The following RASGRP3 variants were observed in gnomAD, a reference collection of about 807,000 sequenced individuals.
RASGRP3 encodes RAS guanyl releasing protein 3.
A neutral mutation model predicts 82.7 loss-of-function variants in RASGRP3; 54 were observed. The observed-to-expected ratio is 0.65, with a 90% CI of 0.52 to 0.82. The LOEUF is 0.82. Ranked by LOEUF, RASGRP3 falls within the 40% of genes least tolerant of loss-of-function variation. The pLI, the probability that RASGRP3 is intolerant of heterozygous loss-of-function variation, is 0.00. For synonymous variants in RASGRP3, 309 were observed against 300.5 expected (o/e 1.03, Z -0.29); for missense variants, 861 against 828.9 (o/e 1.04, Z -0.48).
At chr2:33,518,890 A>G (rs1043244186) in intron 4 of RASGRP3, among the ~76,000 whole-genome samples, 2 of 147,846 alleles carry the variant, frequency 1.4e-5, no homozygotes, top group African/African-American at 4.9e-5. Flanking sequence ...GTCATCTCCT[A>G]TGATAACAAT....
Position 33,515,099 on chromosome 2 carries a change from G to A in RASGRP3, c.-38G>A, listed in dbSNP as rs1425656114. On this transcript the variant is annotated 5_prime_UTR_variant, in exon 3 of 18. Transcript: ENST00000403687. ...TTATGGAGATGGTCTATCTGATGCT[G>A]AAAATGTCTCTAGTTTTTTGACAAC... 1 of 1,601,158 alleles carries A rather than the reference G, an allele frequency of 6.2e-7. No individual in the cohort carries two copies. Among genetic ancestry groups the A allele is most frequent in the African/African-American group, 1.3e-5 (1 of 74,648 alleles).
chr2:33,536,559 ATC>A (rs1673632185), intron 11 of RASGRP3, among the ~76,000 whole-genome samples: 1 of 151,762 alleles, frequency 6.6e-6, no homozygotes, highest in Non-Finnish European at 1.5e-5. Flanking sequence ...TATTTTCAGG[ATC>A]TTTTTTTTTT....
At chr2:33,549,874 G>A in intron 14 of RASGRP3, 123 bp downstream of exon 14, 2 of 1,195,294 alleles carry the variant, frequency 1.7e-6, no homozygotes, top group Non-Finnish European at 2.3e-6. Flanking sequence ...AAAATGTGAT[G>A]GCTCCCTGAA....
At chr2:33,514,945 A>G in intron 2 of RASGRP3, 65 bp from the exon 3 acceptor site, 2 of 583,636 alleles carry the variant, frequency 3.4e-6, no homozygotes, top group South Asian at 4.3e-5. Context: ...CAGGTAGGAA[A>G]GTGATGCTCT....
intron 7 of RASGRP3, 38 bp from the exon 8 acceptor site, chr2:33,523,841 C>G: frequency 6.5e-7 from 1 of 1,540,470 alleles, no homozygotes; most frequent in Non-Finnish European, 8.8e-7. Context: ...TACAAAGGCT[C>G]TATTATAATT....
intron 14 of RASGRP3, among the ~76,000 whole-genome samples, chr2:33,554,725 G>C (rs188232792): frequency 2.6e-4 from 39 of 151,922 alleles, no homozygotes; most frequent in African/African-American, 8.9e-4. Flanking sequence ...TGCTCTTCTC[G>C]GCCTCCAAAA....
At chr2:33,534,284 T>C (rs1190265394) in intron 10 of RASGRP3, 39 bp from the exon 11 acceptor site, 1 of 1,363,382 alleles carries the variant, frequency 7.3e-7, no homozygotes, top group Non-Finnish European at 1.0e-6. Flanking sequence ...AATAAATAAA[T>C]GTAATCCGAC....
chr2:33,559,600 A>G (rs749265707), intron 17 of RASGRP3: 1 of 518,468 alleles, frequency 1.9e-6, no homozygotes, highest in Non-Finnish European at 3.9e-6. Context: ...GGAATTTGTT[A>G]GAGTATGCTG....
intron 13 of RASGRP3, among the ~76,000 whole-genome samples, chr2:33,548,702 A>AT (rs1362892169): frequency 6.6e-6 from 1 of 151,834 alleles, no homozygotes; most frequent in East Asian, 1.9e-4. Context: ...GGATCCAATT[A>AT]TTATTATTAT....
intron 13 of RASGRP3, among the ~76,000 whole-genome samples, chr2:33,548,301 C>T (rs1675010430): frequency 1.5e-5 from 2 of 134,600 alleles, no homozygotes; most frequent in East Asian, 2.2e-4. Context: ...GCGGAGCTTG[C>T]AGTGAGCCGA....
chr2:33,462,862 A>G (rs777881972), intron 2 of RASGRP3, among the ~76,000 whole-genome samples: 11 of 152,258 alleles, frequency 7.2e-5, no homozygotes, highest in Non-Finnish European at 1.3e-4. Flanking sequence ...ATGCTTGAAT[A>G]GAAAGGAAAT....
At chr2:33,522,580 T>A (rs937162598) in intron 7 of RASGRP3, among the ~76,000 whole-genome samples, 2 of 152,194 alleles carry the variant, frequency 1.3e-5, no homozygotes, top group Non-Finnish European at 2.9e-5. Flanking sequence ...GATCCTGAAT[T>A]AAACTTTTCT....
chr2:33,480,787 C>G (rs1164925067), intron 1 of RASGRP3, among the ~76,000 whole-genome samples: 1 of 152,156 alleles, frequency 6.6e-6, no homozygotes, highest in African/African-American at 2.4e-5. Context: ...GTTAACAGCT[C>G]CTGTGTCATG....
chr2:33,456,152 TAAAAG>T (rs1180088958), intron 2 of RASGRP3, among the ~76,000 whole-genome samples: 1 of 152,170 alleles, frequency 6.6e-6, no homozygotes, highest in Admixed American at 6.5e-5. Context: ...GAAAAGCAGT[TAAAAG>T]AAGTTGAGTT....
intron 2 of RASGRP3, among the ~76,000 whole-genome samples, chr2:33,450,377 C>T (rs1207488041): frequency 1.3e-5 from 2 of 152,218 alleles, no homozygotes; most frequent in East Asian, 3.8e-4. Context: ...TCAAAACCTC[C>T]TCATTCTCAC....
Position 33,510,908 on chromosome 2 carries a change from C to G in RASGRP3, c.-260-802C>G, listed in dbSNP as rs187617378. On this transcript the variant is annotated intron_variant, in intron 1 of 17. Coordinates refer to ENST00000403687, the MANE Select transcript of RASGRP3 (RefSeq NM_001139488.2). ...TGAACAGTTACATGGAATTGGCTACCTTTTATTATTTCTAAAATTGGGAGC... is the reference window on the plus strand; with the variant it reads ...TGAACAGTTACATGGAATTGGCTACGTTTTATTATTTCTAAAATTGGGAGC... 1.6e-4 allele frequency among the ~76,000 whole-genome samples: 24 copies of G among 152,154 alleles called. No homozygotes were observed. In the East Asian group the frequency reaches 2.3e-3, roughly 15 times the overall value.
chr2:33,537,328 C>CAACA (rs61435746), intron 11 of RASGRP3, among the ~76,000 whole-genome samples: 4 of 66,424 alleles, frequency 6.0e-5, no homozygotes, highest in African/African-American at 3.0e-4. Flanking sequence ...ACACCGCCCC[C>CAACA]CCCACACACA....
chr2:33,452,927 T>C (rs977032284), intron 2 of RASGRP3, among the ~76,000 whole-genome samples: 2 of 152,266 alleles, frequency 1.3e-5, no homozygotes, highest in South Asian at 2.1e-4. Flanking sequence ...CCTGGGATCA[T>C]GAGGGCTGCT....
intron 2 of RASGRP3, among the ~76,000 whole-genome samples, chr2:33,465,048 T>G (rs1430284124): frequency 2.0e-5 from 3 of 152,170 alleles, no homozygotes; most frequent in African/African-American, 7.2e-5. Context: ...AAGCTAGACA[T>G]GATAAAGCCT....
Sources: gnomAD v4.1 joint callset for allele counts (sites outside exome capture counted in the v4.1 genomes callset) on GRCh38, gnomAD v4.1.1 for gene constraint, MANE v1.5 for transcripts, NCBI Gene and HGNC (gene_info 2026-07-23, HGNC 2026-07-21) for gene names.